KIR2DL1: variants seen among roughly 807,000 people sequenced by gnomAD.
KIR2DL1 encodes killer cell immunoglobulin like receptor, two Ig domains and long cytoplasmic tail 1.
In KIR2DL1, 38 loss-of-function variants were observed where a neutral mutation model predicts 33.9. The observed-to-expected ratio is 1.12, with a 90% confidence interval of 0.86 to 1.47. The LOEUF (loss-of-function observed/expected upper bound fraction) is 1.47. Ranked by LOEUF, KIR2DL1 falls within the 40% of genes most tolerant of loss-of-function variation. The pLI is 0.00. For missense variants in KIR2DL1, 531 were observed against 433.9 expected, an observed-to-expected ratio of 1.22 and a Z score of -1.99; for synonymous variants, 179 against 165.9, an observed-to-expected ratio of 1.08 and a Z score of -0.61.
rs550328409 is a variant in KIR2DL1 at position 54,779,358 on chromosome 19, G to A, written c.715+696G>A. On this transcript the variant is annotated intron_variant, in intron 5 of 7. Transcript: ENST00000336077. ...CCTTCCCTCTGAGGATTCCAGGCACGAATCTGCTTCTCACTTGTCCCAGCT... is the reference window on the plus strand; with the variant it reads ...CCTTCCCTCTGAGGATTCCAGGCACAAATCTGCTTCTCACTTGTCCCAGCT... 3.4e-5 allele frequency among the ~76,000 whole-genome samples: 5 copies of A among 148,988 alleles called. No individual in the cohort carries two copies. In the East Asian group the frequency reaches 7.8e-4, roughly 23 times the overall value.
rs895506328 is a variant in KIR2DL1 at position 54,775,165 on chromosome 19, G to T, written c.371G>T (p.Gly124Val). The T allele has an allele frequency of 6.3e-7, 1 of 1,578,162 alleles. No individual in the cohort carries two copies. The highest frequency in any genetic ancestry group is 2.2e-5 in the East Asian group (1 of 44,780). Residue 124 changes from glycine to valine, a missense_variant and splice_region_variant, in exon 4 of 8, where the codon GGT becomes GTT. Coordinates refer to ENST00000336077, the MANE Select transcript of KIR2DL1 (RefSeq NM_014218.3). The stretch of plus-strand genomic sequence containing the variant: ...AGGAAACTGCCTCTTCTCCTTCCAG[G>T]TCTATATGAGAAACCTTCTCTCTCA... Reference protein sequence around the residue: ...PSDPLDIVIIGLYEKPSLSAQ... With the variant: ...PSDPLDIVIIVLYEKPSLSAQ...
In KIR2DL1 at chr19:54,773,349, T is replaced by A; in HGVS notation, c.87T>A (p.Pro29=). The A allele has an allele frequency of 6.3e-7, 1 of 1,598,540 alleles. No homozygotes were observed. Residue 29 remains proline, a synonymous_variant, in exon 3 of 8, where the codon CCT becomes CCA. Coordinates refer to ENST00000336077, the MANE Select transcript of KIR2DL1 (RefSeq NM_014218.3). ...AWPHEGVHRK[P]SLLAHPGRLV... ...TCTTCCTAGGAGTCCACAGAAAACC[T>A]TCCCTCCTGGCCCACCCAGGTCGCC...
chr19:54,783,888 A>T lies in KIR2DL1; in HGVS notation c.*75A>T. 1 of 1,590,302 alleles carries T rather than the reference A, an allele frequency of 6.3e-7. No individual in the cohort carries two copies. On this transcript the variant is annotated 3_prime_UTR_variant, in exon 8 of 8. Coordinates refer to ENST00000336077, the MANE Select transcript of KIR2DL1 (RefSeq NM_014218.3). Reference sequence around the variant, plus strand: ...TCTCAAAACCGGGTTGCCAGCTCCCATGTACCAGCAGCTGGAATCTGAAGG... The same window carrying T: ...TCTCAAAACCGGGTTGCCAGCTCCCTTGTACCAGCAGCTGGAATCTGAAGG...
Position 54,775,020 on chromosome 19 carries a change from A to G in KIR2DL1, c.371-145A>G. 5.1e-6 allele frequency: 6 copies of G among 1,178,336 alleles called. 1 individual carries two copies. Among genetic ancestry groups the G allele is most frequent in the South Asian group, 3.1e-5 (2 of 64,186 alleles). The allele number at this position is 1,178,336 out of a possible 1,614,324, so 73.0% of individuals were successfully genotyped here. ...GACAGAGAAGGTGGAAGGAGGAAAT[A>G]GACATGAAGAGCGATGGGGTAGAGG... On this transcript the variant is annotated intron_variant, in intron 3 of 7. Transcript: ENST00000336077.
chr19:54,773,687 C>G, intron 3 of KIR2DL1, 55 bp downstream of exon 3: 1 of 1,502,428 alleles, frequency 6.7e-7, no homozygotes, highest in Non-Finnish European at 9.1e-7. Context: ...GTGAATGATC[C>G]AGGAATTGGA....
intron 4 of KIR2DL1, among the ~76,000 whole-genome samples, chr19:54,777,773 A>G (rs1308926624): frequency 6.8e-6 from 1 of 147,966 alleles, no homozygotes; most frequent in South Asian, 2.1e-4. Flanking sequence ...CATTTCCCCA[A>G]TATTTTGTTC....
chr19:54,774,433 T>C lies in KIR2DL1; in HGVS notation c.371-732T>C, dbSNP rs1465796476. On this transcript the variant is annotated intron_variant, in intron 3 of 7. Coordinates refer to ENST00000336077, the MANE Select transcript of KIR2DL1 (RefSeq NM_014218.3). ...GGAGAGGCACAAGGACATTGAAAGATGGAGATGTGGGGATGAATTGCAGAG... is the reference window on the plus strand; with the variant it reads ...GGAGAGGCACAAGGACATTGAAAGACGGAGATGTGGGGATGAATTGCAGAG... Among the ~76,000 whole-genome samples, 4 of 147,902 alleles carry C rather than the reference T, an allele frequency of 2.7e-5. 1 individual carries two copies. The highest frequency in any genetic ancestry group is 4.5e-5 in the Non-Finnish European group (3 of 66,082).
At chr19:54,772,171 G>A (rs912269192) in intron 2 of KIR2DL1, among the ~76,000 whole-genome samples, 6 of 147,250 alleles carry the variant, frequency 4.1e-5, no homozygotes, top group African/African-American at 7.5e-5. Flanking sequence ...TTGAGATGGG[G>A]AGACAGCCTG....
intron 5 of KIR2DL1, among the ~76,000 whole-genome samples, chr19:54,782,702 G>C (rs948230650): frequency 6.6e-6 from 1 of 151,826 alleles, no homozygotes; most frequent in East Asian, 1.9e-4. Context: ...GGTTTGAAGG[G>C]GTCAAACATC....
rs1406765862 is a variant in KIR2DL1, at chr19:54,770,790, C to T, written c.35-59C>T. The T allele has an allele frequency of 2.7e-5, 42 of 1,567,592 alleles. 1 individual carries two copies. Among genetic ancestry groups the T allele is most frequent in the Middle Eastern group, 1.7e-4 (1 of 5,954 alleles). On this transcript the variant is annotated intron_variant, in intron 1 of 7. Coordinates refer to ENST00000336077, the MANE Select transcript of KIR2DL1 (RefSeq NM_014218.3). ...ACCAAGACTCACAGCCCAGTGGGGG[C>T]AGCAAGGGTGCCCTGGTTTGCCTGC... is the stretch of plus-strand genomic sequence containing the variant.
chr19:54,770,942 A>C, intron 2 of KIR2DL1, 58 bp downstream of exon 2: 1 of 1,562,984 alleles, frequency 6.4e-7, no homozygotes, highest in Non-Finnish European at 8.8e-7. Context: ...ATTTTCCTGA[A>C]ATGGGAGGGA....
chr19:54,773,000 G>C (rs1430720331), intron 2 of KIR2DL1, among the ~76,000 whole-genome samples: 4 of 148,326 alleles, frequency 2.7e-5, no homozygotes, highest in Admixed American at 6.9e-5. Flanking sequence ...AGGCTGCTAA[G>C]AGCCTGGATG....
rs564948814 is a variant in KIR2DL1, at chr19:54,773,629, A to T, written c.367A>T (p.Ile123Leu). 1 of 1,571,536 alleles carries T rather than the reference A, an allele frequency of 6.4e-7. No individual in the cohort carries two copies. Among genetic ancestry groups the T allele is most frequent in the South Asian group, 1.1e-5 (1 of 90,094 alleles). ...APSDPLDIVI[I>L]GLYEKPSLSA... ...CAGTGACCCTCTGGACATCGTGATC[A>T]TAGGTGAGAGTGTCCAGACTTTCTT... The change falls in exon 3 of 8, where the codon ATA becomes TTA. Residue 123 changes from isoleucine (I) to leucine (L), a missense_variant. Transcript: ENST00000336077.
intron 5 of KIR2DL1, among the ~76,000 whole-genome samples, chr19:54,782,274 G>C (rs2147636512): frequency 6.6e-6 from 1 of 152,044 alleles, no homozygotes; most frequent in East Asian, 1.9e-4. Flanking sequence ...CCTGATCTCA[G>C]GAAGTTGCTG....
rs550293556 is a variant in KIR2DL1, at chr19:54,772,134, G to A, written c.71-1199G>A. ...AGGGGAAGGGACTGAAGGAGAAGATGGAGCTCAGGTTGTTGATGAGTTGAC... is the reference window on the plus strand; with the variant it reads ...AGGGGAAGGGACTGAAGGAGAAGATAGAGCTCAGGTTGTTGATGAGTTGAC... On this transcript the variant is annotated intron_variant, in intron 2 of 7. Transcript: ENST00000336077. 3.2e-4 allele frequency among the ~76,000 whole-genome samples: 47 copies of A among 148,242 alleles called. 3 individuals carry two copies. Among genetic ancestry groups the A allele is most frequent in the African/African-American group, 9.6e-4 (39 of 40,648 alleles).
intron 5 of KIR2DL1, among the ~76,000 whole-genome samples, chr19:54,781,967 T>G (rs960364288): frequency 6.6e-6 from 1 of 152,028 alleles, no homozygotes; most frequent in Non-Finnish European, 1.5e-5. Flanking sequence ...TCACTCACCG[T>G]CACTCCAGGG....
Position 54,772,893 on chromosome 19 carries a change from C to A in KIR2DL1, c.71-440C>A, listed in dbSNP as rs774812338. ...GGCATGGCAAGAGTGGCTCCCAGTC[C>A]CTACCAGGAACAGGGTGTGTGGCCA... On this transcript the variant is annotated intron_variant, in intron 2 of 7. Coordinates refer to ENST00000336077, the MANE Select transcript of KIR2DL1 (RefSeq NM_014218.3). 1.4e-4 allele frequency among the ~76,000 whole-genome samples: 20 copies of A among 145,118 alleles called. 3 individuals are homozygous for A. Among genetic ancestry groups the A allele is most frequent in the Non-Finnish European group, 2.5e-4 (16 of 65,098 alleles).
chr19:54,772,158 A>G (rs1361739045), intron 2 of KIR2DL1, among the ~76,000 whole-genome samples: 4 of 147,722 alleles, frequency 2.7e-5, no homozygotes, highest in African/African-American at 7.4e-5. Context: ...TGATGAGTTG[A>G]CCTTGAGATG....
chr19:54,769,892 C>T lies in KIR2DL1; in HGVS notation c.34+8C>T, dbSNP rs780088082. On this transcript the variant is annotated splice_region_variant and intron_variant, in intron 1 of 7. Coordinates refer to ENST00000336077, the MANE Select transcript of KIR2DL1 (RefSeq NM_014218.3). ...TCAGCATGGCGTGTGTTGGTGAGTC[C>T]TGGAAAGCAATAGAGGGAGGGAGTG... 6.4e-7 allele frequency: 1 copy of T among 1,567,206 alleles called. No homozygotes were observed. Among genetic ancestry groups the T allele is most frequent in the Non-Finnish European group, 8.7e-7 (1 of 1,145,292 alleles).
Sources: gnomAD v4.1 joint callset for allele counts (sites outside exome capture counted in the v4.1 genomes callset) on GRCh38, gnomAD v4.1.1 for gene constraint, MANE v1.5 for transcripts, NCBI Gene and HGNC (gene_info 2026-07-23, HGNC 2026-07-21) for gene names.